The following TDRD3 variants were observed in gnomAD, a reference collection of about 807,000 sequenced individuals.
TDRD3 encodes the protein tudor domain-containing protein 3.
Under a neutral mutation model 86.7 loss-of-function variants are expected in TDRD3, and 45 were observed. The ratio of observed to expected loss-of-function variants is 0.52; its 90% confidence interval spans 0.41 to 0.67. The LOEUF (loss-of-function observed/expected upper bound fraction) is 0.67, where lower values mean the gene tolerates loss of function less well. Among genes scored for constraint, TDRD3 ranks in the 30% least tolerant of loss-of-function variants. TDRD3 has a pLI of 0.00. For missense variants in TDRD3, 814 were observed against 889.0 expected (o/e 0.92, Z 1.07); for synonymous variants, 298 against 301.7 (o/e 0.99, Z 0.13).
intron 8 of TDRD3, among the ~76,000 whole-genome samples, chr13:60,508,983 A>G (rs1198912177): frequency 6.6e-6 from 1 of 152,232 alleles, no homozygotes; most frequent in African/African-American, 2.4e-5. Context: ...AAGACTTTAA[A>G]TGGACTGTCT....
intron 10 of TDRD3, among the ~76,000 whole-genome samples, chr13:60,513,942 T>A (rs540085944): frequency 3.0e-4 from 45 of 152,272 alleles, no homozygotes; most frequent in African/African-American, 1.1e-3. Context: ...GCAGAAAAGA[T>A]AACCCGAAAA....
intron 8 of TDRD3, among the ~76,000 whole-genome samples, chr13:60,502,771 T>C (rs1438354927): frequency 6.6e-6 from 1 of 152,156 alleles, no homozygotes; most frequent in Non-Finnish European, 1.5e-5. Flanking sequence ...GCCAGTTCTC[T>C]CCATGGGAAT....
intron 11 of TDRD3, among the ~76,000 whole-genome samples, chr13:60,534,901 C>A (rs1957665143): frequency 7.1e-6 from 1 of 141,542 alleles, no homozygotes; most frequent in African/African-American, 2.7e-5. Flanking sequence ...GCACTCCAGC[C>A]TGGGCGACAG....
At chr13:60,436,847 C>A (rs1044117002) in intron 1 of TDRD3, among the ~76,000 whole-genome samples, 3 of 152,090 alleles carry the variant, frequency 2.0e-5, no homozygotes, top group Non-Finnish European at 1.5e-5. Context: ...TTTTATTCTT[C>A]TGAAAACTTG....
intron 3 of TDRD3, among the ~76,000 whole-genome samples, chr13:60,455,707 G>C (rs1955652697): frequency 6.6e-6 from 1 of 152,102 alleles, no homozygotes; most frequent in South Asian, 2.1e-4. Flanking sequence ...AGGGTTGATG[G>C]AGAGTGTGAT....
At chr13:60,439,908 G>T (rs1490223218) in intron 2 of TDRD3, 136 bp downstream of exon 2, 1 of 545,888 alleles carries the variant, frequency 1.8e-6, no homozygotes, top group East Asian at 3.2e-5. Flanking sequence ...AAGTTGTAGT[G>T]ATGATGTTTG....
At chr13:60,450,134 A>G (rs1955502170) in intron 3 of TDRD3, among the ~76,000 whole-genome samples, 2 of 152,132 alleles carry the variant, frequency 1.3e-5, no homozygotes, top group Admixed American at 6.6e-5. Context: ...CTTTTACTTT[A>G]GAGATAAGAG....
intron 10 of TDRD3, among the ~76,000 whole-genome samples, chr13:60,518,777 T>A (rs1957224448): frequency 6.6e-6 from 1 of 152,178 alleles, no homozygotes; most frequent in Non-Finnish European, 1.5e-5. Flanking sequence ...ATCTCCAGAC[T>A]TTACTAAGAG....
At chr13:60,554,483 AG>A (rs1958142706) in intron 12 of TDRD3, among the ~76,000 whole-genome samples, 1 of 152,160 alleles carries the variant, frequency 6.6e-6, no homozygotes, top group Admixed American at 6.5e-5. Flanking sequence ...CTTTGTCCGG[AG>A]GATCTATTTG....
intron 3 of TDRD3, among the ~76,000 whole-genome samples, chr13:60,460,095 A>C (rs908156580): frequency 6.6e-6 from 1 of 152,142 alleles, no homozygotes; most frequent in Non-Finnish European, 1.5e-5. Context: ...ATCCAGAAAT[A>C]TAACTGTTTT....
intron 10 of TDRD3, among the ~76,000 whole-genome samples, chr13:60,520,642 C>G (rs1005579772): frequency 2.0e-5 from 3 of 152,154 alleles, no homozygotes; most frequent in Admixed American, 6.5e-5. Flanking sequence ...TGTTGTCTGC[C>G]TCTGCCCATT....
chr13:60,497,677 G>T (rs867338682), intron 8 of TDRD3, among the ~76,000 whole-genome samples: 1 of 152,200 alleles, frequency 6.6e-6, no homozygotes, highest in Admixed American at 6.5e-5. Flanking sequence ...TAAAGTGAGG[G>T]CATTGGTTGG....
At chr13:60,396,119 C>T (rs116851544), upstream of TDRD3, among the ~76,000 whole-genome samples, 42 of 152,268 alleles carry the variant, frequency 2.8e-4, no homozygotes, top group East Asian at 6.2e-3. Context: ...CGCCTCTGCC[C>T]AGTTCCGCAG....
chr13:60,482,265 C>T (rs778112658), intron 5 of TDRD3, among the ~76,000 whole-genome samples: 2 of 152,168 alleles, frequency 1.3e-5, no homozygotes, highest in Non-Finnish European at 2.9e-5. Flanking sequence ...ATATTCTAAA[C>T]TCAGCTCCCT....
At chr13:60,547,829 A>G (rs1472893953) in intron 12 of TDRD3, among the ~76,000 whole-genome samples, 1 of 152,216 alleles carries the variant, frequency 6.6e-6, no homozygotes, top group Non-Finnish European at 1.5e-5. Flanking sequence ...GTGGATTATT[A>G]TGACCCCTTC....
chr13:60,481,928 A>C (rs1202971255), intron 5 of TDRD3, among the ~76,000 whole-genome samples: 1 of 152,212 alleles, frequency 6.6e-6, no homozygotes, highest in Non-Finnish European at 1.5e-5. Flanking sequence ...CAAGATGTGT[A>C]TTCAAGCTTT....
intron 7 of TDRD3, among the ~76,000 whole-genome samples, chr13:60,492,017 G>T (rs1956598925): frequency 6.6e-6 from 1 of 152,092 alleles, no homozygotes; most frequent in African/African-American, 2.4e-5. Context: ...GCAAAAAGAT[G>T]TGGCTCATAA....
intron 1 of TDRD3, among the ~76,000 whole-genome samples, chr13:60,407,380 A>G (rs1447491010): frequency 6.6e-6 from 1 of 152,178 alleles, no homozygotes; most frequent in Non-Finnish European, 1.5e-5. Context: ...AACTTCTTCA[A>G]GCTTTTTGTA....
intron 1 of TDRD3, among the ~76,000 whole-genome samples, chr13:60,397,940 A>G (rs1198546165): frequency 6.6e-6 from 1 of 152,152 alleles, no homozygotes; most frequent in South Asian, 2.1e-4. Context: ...TTCAAAGTAC[A>G]GTGTGGACCA....
Sources: allele counts gnomAD v4.1 joint callset (sites outside exome capture counted in the v4.1 genomes callset), GRCh38; gene constraint gnomAD v4.1.1; transcripts MANE v1.5; gene names NCBI Gene and HGNC (gene_info 2026-07-23, HGNC 2026-07-21).